SLAIN1: variants seen among roughly 807,000 people sequenced by gnomAD.
SLAIN1 encodes SLAIN motif-containing protein 1.
A neutral mutation model predicts 55.4 loss-of-function variants in SLAIN1; 17 were observed. The ratio of observed to expected loss-of-function variants is 0.31; its 90% confidence interval spans 0.21 to 0.46. The LOEUF (loss-of-function observed/expected upper bound fraction) is 0.46, where lower values mean the gene tolerates loss of function less well. Ranked by LOEUF, SLAIN1 falls within the 20% of genes least tolerant of loss-of-function variation. SLAIN1 has a pLI of 1.00. For missense variants in SLAIN1, 682 were observed against 785.1 expected (o/e 0.87, Z 1.57); for synonymous variants, 348 against 337.4 (o/e 1.03, Z -0.35).
At chr13:77,759,000 A>G (rs1874812477) in intron 5 of SLAIN1, among the ~76,000 whole-genome samples, 3 of 152,110 alleles carry the variant, frequency 2.0e-5, no homozygotes, top group East Asian at 3.8e-4. Context: ...ATAGAATTGC[A>G]TTGAATCTGT....
At chr13:77,730,553 AT>A (rs541761413) in intron 2 of SLAIN1, among the ~76,000 whole-genome samples, 23 of 152,266 alleles carry the variant, frequency 1.5e-4, no homozygotes, top group African/African-American at 5.5e-4. Flanking sequence ...TAAGGGTTTG[AT>A]TTGTTGATGT....
intron 2 of SLAIN1, 43 bp downstream of exon 2, chr13:77,719,714 C>T (rs2091243573): frequency 1.9e-6 from 3 of 1,592,784 alleles, no homozygotes; most frequent in Middle Eastern, 1.7e-4. Flanking sequence ...ACTCTTGTCA[C>T]TCTCAGTGCT....
At chr13:77,740,537 C>CG (rs1335637438) in intron 2 of SLAIN1, among the ~76,000 whole-genome samples, 1 of 149,946 alleles carries the variant, frequency 6.7e-6, no homozygotes, top group Non-Finnish European at 1.5e-5. Flanking sequence ...CGCCCCCCCC[C>CG]CCTTTTTTTA....
rs11330491 is a variant in SLAIN1 at position 77,741,646 on chromosome 13, ATT to A, written c.767-2619_767-2618del. ...ACGTAATGATTCTGAAGTAAAAGGA[ATT>A]TTTTTTTTTTTTTTTTTAAGTAAAC... On this transcript the variant is annotated intron_variant, in intron 2 of 6. Coordinates refer to ENST00000418532, the MANE Select transcript of SLAIN1 (RefSeq NM_001242868.2). 4.3e-3 allele frequency: 608 copies of A among 141,460 alleles called. 2 individuals carry two copies. Among genetic ancestry groups the A allele is most frequent in the African/African-American group, 0.012 (459 of 38,512 alleles). The allele number at this position is 141,460 out of a possible 1,614,324, so 8.8% of individuals were successfully genotyped here.
chr13:77,715,876 C>G (rs1210743140), intron 1 of SLAIN1, among the ~76,000 whole-genome samples: 1 of 152,072 alleles, frequency 6.6e-6, no homozygotes, highest in Non-Finnish European at 1.5e-5. Flanking sequence ...TATCACTCAT[C>G]CTTTTAGCAA....
rs147239484 is a variant in SLAIN1, at chr13:77,742,543, C to G, written c.767-1740C>G. ...TGAATTTACATAAAATGTTTTTTAT[C>G]AACATTTTCTGATATTAACTGAGTA... On this transcript the variant is annotated intron_variant, in intron 2 of 6. Coordinates refer to ENST00000418532, the MANE Select transcript of SLAIN1 (RefSeq NM_001242868.2). Among the ~76,000 whole-genome samples the G allele has an allele frequency of 2.6e-3, 390 of 151,902 alleles. 12 individuals are homozygous for G. The East Asian group carries it at 0.059, about 23-fold the overall frequency.
chr13:77,740,458 C>T (rs180922152), intron 2 of SLAIN1, among the ~76,000 whole-genome samples: 2 of 151,602 alleles, frequency 1.3e-5, no homozygotes, highest in Admixed American at 6.6e-5. Flanking sequence ...GGGGCCAGTT[C>T]GATGCTATTC....
At chr13:77,706,387 CT>C (rs955548553) in intron 1 of SLAIN1, among the ~76,000 whole-genome samples, 5 of 152,112 alleles carry the variant, frequency 3.3e-5, no homozygotes, top group African/African-American at 4.8e-5. Context: ...AATGGCACTT[CT>C]TCTCTCCTCT....
chr13:77,706,259 T>C (rs2091089139), intron 1 of SLAIN1, among the ~76,000 whole-genome samples: 2 of 152,144 alleles, frequency 1.3e-5, no homozygotes, highest in African/African-American at 4.8e-5. Context: ...TAATGGTTTT[T>C]ATGGTTTTTC....
chr13:77,735,596 A>C (rs1009024458), intron 2 of SLAIN1, among the ~76,000 whole-genome samples: 2 of 152,202 alleles, frequency 1.3e-5, no homozygotes, highest in Non-Finnish European at 2.9e-5. Context: ...AGAATATTTC[A>C]TAACCCATGA....
intron 2 of SLAIN1, chr13:77,743,204 A>C (rs1405763860): frequency 3.1e-5 from 40 of 1,274,742 alleles, no homozygotes; most frequent in Non-Finnish European, 4.1e-5. Context: ...TTGCTTTGTA[A>C]TTCAGTTACT....
chr13:77,699,118 A>T, intron 1 of SLAIN1: 1 of 1,459,716 alleles, frequency 6.9e-7, no homozygotes, highest in African/African-American at 1.4e-5. Flanking sequence ...TTTTCATTGA[A>T]ATCTTATTTT....
chr13:77,741,281 A>G, intron 2 of SLAIN1: 1 of 987,422 alleles, frequency 1.0e-6, no homozygotes, highest in Non-Finnish European at 1.2e-6. Flanking sequence ...ACTTTGAATA[A>G]TAGAGATTGA....
intron 2 of SLAIN1, 45 bp from the exon 3 acceptor site, chr13:77,744,238 A>G (rs1425190555): frequency 7.6e-7 from 1 of 1,323,718 alleles, no homozygotes; most frequent in African/African-American, 1.4e-5. Flanking sequence ...ATGTATAGAT[A>G]TCAGTCCTGC....
At chr13:77,741,907 A>C (rs1039748904) in intron 2 of SLAIN1, among the ~76,000 whole-genome samples, 1 of 152,128 alleles carries the variant, frequency 6.6e-6, no homozygotes, top group African/African-American at 2.4e-5. Flanking sequence ...CAGTGAATAC[A>C]AACCAAGTTA....
At chr13:77,741,728 A>T (rs1594282562) in intron 2 of SLAIN1, 1 of 128,384 alleles carries the variant, frequency 7.8e-6, no homozygotes, top group African/African-American at 3.0e-5. Flanking sequence ...TATTTTCTTG[A>T]CTGTCCACAT....
At chr13:77,701,729 G>A (rs2091032690) in intron 1 of SLAIN1, among the ~76,000 whole-genome samples, 1 of 150,374 alleles carries the variant, frequency 6.7e-6, no homozygotes, top group African/African-American at 2.4e-5. Flanking sequence ...TCCAGAACCT[G>A]AATTCTTTCT....
intron 2 of SLAIN1, among the ~76,000 whole-genome samples, chr13:77,731,443 G>A (rs1404790513): frequency 6.6e-6 from 1 of 152,134 alleles, no homozygotes; most frequent in Non-Finnish European, 1.5e-5. Context: ...TCTTAAAATG[G>A]TTGAAAGTTT....
intron 2 of SLAIN1, among the ~76,000 whole-genome samples, chr13:77,720,970 A>C (rs1319909462): frequency 6.6e-6 from 1 of 152,202 alleles, no homozygotes; most frequent in Non-Finnish European, 1.5e-5. Context: ...CTCATCTAAC[A>C]GAGCAGCCAT....
Sources: allele counts gnomAD v4.1 joint callset (sites outside exome capture counted in the v4.1 genomes callset), GRCh38; gene constraint gnomAD v4.1.1; transcripts MANE v1.5; gene names NCBI Gene and HGNC (gene_info 2026-07-23, HGNC 2026-07-21).